The following TRAPPC9 variants were observed in gnomAD, a reference collection of about 807,000 sequenced individuals.
TRAPPC9 encodes trafficking protein particle complex subunit 9.
TRAPPC9 carries 83 observed loss-of-function variants against 124.0 expected under a neutral mutation model. The observed-to-expected ratio is 0.67, with a 90% confidence interval of 0.56 to 0.80. The LOEUF is 0.80. Among genes scored for constraint, TRAPPC9 ranks in the 30% least tolerant of loss-of-function variants. The pLI is 0.00. For missense variants in TRAPPC9, 1,302 were observed against 1,508.3 expected, an observed-to-expected ratio of 0.86 and a Z score of 2.27; for synonymous variants, 638 against 617.5, an observed-to-expected ratio of 1.03 and a Z score of -0.49.
chr8:140,409,269 G>A lies in TRAPPC9; in HGVS notation c.887-3571C>T, dbSNP rs140882321. Reference sequence around the variant, plus strand: ...AATGGTAAGAGATGCCATTTGTCACGTATCTAGTTGGCAAAAATGTTAAAA... The same window carrying A: ...AATGGTAAGAGATGCCATTTGTCACATATCTAGTTGGCAAAAATGTTAAAA... On this transcript the variant is annotated intron_variant, in intron 5 of 22. Transcript: ENST00000438773. Among the ~76,000 whole-genome samples, 453 of 152,092 alleles carry A rather than the reference G, an allele frequency of 3.0e-3. 2 individuals are homozygous for A. Among genetic ancestry groups the A allele is most frequent in the African/African-American group, 0.01 (429 of 41,448 alleles).
At chr8:140,242,391 G>A (rs1343012298) in intron 16 of TRAPPC9, among the ~76,000 whole-genome samples, 2 of 152,190 alleles carry the variant, frequency 1.3e-5, no homozygotes, top group East Asian at 3.9e-4. Context: ...AAGAACAGAT[G>A]AGCCTTGGGG....
chr8:140,379,625 A>G lies in TRAPPC9; in HGVS notation c.1135-8445T>C, dbSNP rs73713116. Among the ~76,000 whole-genome samples, 1,285 of 152,342 alleles carry G rather than the reference A, an allele frequency of 8.4e-3. 16 individuals are homozygous for G. The highest frequency in any genetic ancestry group is 0.028 in the African/African-American group (1,182 of 41,576). On this transcript the variant is annotated intron_variant, in intron 7 of 22. Transcript: ENST00000438773. The stretch of plus-strand genomic sequence containing the variant: ...CCCCATATATTGTTTGCCTTATAAA[A>G]GAATTATTTATTGCAATTAAATTTG...
chr8:140,352,212 G>A (rs1221312754), intron 9 of TRAPPC9, among the ~76,000 whole-genome samples: 1 of 152,242 alleles, frequency 6.6e-6, no homozygotes, highest in African/African-American at 2.4e-5. Flanking sequence ...CACTTGTGGT[G>A]TGGCTGCACA....
At chr8:140,039,151 A>T (rs889848771) in intron 17 of TRAPPC9, among the ~76,000 whole-genome samples, 1 of 152,246 alleles carries the variant, frequency 6.6e-6, no homozygotes, top group Non-Finnish European at 1.5e-5. Context: ...TTCTAGCCTC[A>T]GAGTCTGGAA....
intron 2 of TRAPPC9, among the ~76,000 whole-genome samples, chr8:140,440,818 C>T (rs1330666120): frequency 1.3e-5 from 2 of 152,090 alleles, no homozygotes; most frequent in East Asian, 1.9e-4. Flanking sequence ...CTTGCTGCAA[C>T]GCTGAAGTCC....
rs1161024238 is a variant in TRAPPC9 at position 140,104,485 on chromosome 8, C to A, written c.2557-80406G>T. Among the ~76,000 whole-genome samples the A allele has an allele frequency of 6.6e-6, 1 of 152,092 alleles. No homozygotes were observed. The highest frequency in any genetic ancestry group is 1.5e-5 in the Non-Finnish European group (1 of 68,026). On this transcript the variant is annotated intron_variant, in intron 17 of 22. Transcript: ENST00000438773. This position sits in a 1 kb window ranked among gnomAD's most constrained non-coding sequence, Gnocchi z 4.0. ...CTAAGTGGGCACTCATGATCTTAGA[C>A]AAATAATATGCAAGTAGTATGATGG... is the stretch of plus-strand genomic sequence containing the variant.
At chr8:140,136,868 C>T (rs1205070942) in intron 17 of TRAPPC9, among the ~76,000 whole-genome samples, 1 of 152,066 alleles carries the variant, frequency 6.6e-6, no homozygotes, top group African/African-American at 2.4e-5. Flanking sequence ...AGGGACAGGA[C>T]CAGAGACATG....
intron 16 of TRAPPC9, among the ~76,000 whole-genome samples, chr8:140,225,619 A>G (rs10448116): frequency 0.65 from 99,011 of 152,060 alleles, 32,834 homozygotes; most frequent in Admixed American, 0.73. Flanking sequence ...CGTAAACTCC[A>G]CATTTCTCTA....
chr8:139,817,116 G>A (rs1241481848), intron 21 of TRAPPC9, among the ~76,000 whole-genome samples: 1 of 137,650 alleles, frequency 7.3e-6, no homozygotes, highest in Non-Finnish European at 1.5e-5. Context: ...GGGTGCTGCA[G>A]GCTGGGCCTG....
Position 140,137,676 on chromosome 8 carries a change from A to C in TRAPPC9, c.2556+83783T>G, listed in dbSNP as rs928307374. ...CCACCAATGGTTTACATTTTCTTTAAAATCTGAGATGCATCTGATTCACGC... is the reference window on the plus strand; with the variant it reads ...CCACCAATGGTTTACATTTTCTTTACAATCTGAGATGCATCTGATTCACGC... On this transcript the variant is annotated intron_variant, in intron 17 of 22. Coordinates refer to ENST00000438773, the MANE Select transcript of TRAPPC9 (RefSeq NM_001160372.4). Among the ~76,000 whole-genome samples, 4 of 152,190 alleles carry C rather than the reference A, an allele frequency of 2.6e-5. No individual in the cohort carries two copies. The East Asian group carries it at 7.7e-4, about 29-fold the overall frequency.
intron 21 of TRAPPC9, among the ~76,000 whole-genome samples, chr8:139,882,137 ACT>A (rs1298917581): frequency 1.3e-5 from 2 of 152,086 alleles, no homozygotes; most frequent in South Asian, 4.1e-4. Flanking sequence ...TGCATAAAAG[ACT>A]CTGTAGCTTT....
chr8:139,931,157 T>G (rs1833118607), intron 19 of TRAPPC9: 1 of 152,126 alleles, frequency 6.6e-6, no homozygotes, highest in Non-Finnish European at 1.5e-5. Flanking sequence ...CGGGAAACAC[T>G]TCGACCTCAT....
intron 18 of TRAPPC9, among the ~76,000 whole-genome samples, chr8:140,008,235 A>G (rs567005291): frequency 1.3e-5 from 2 of 152,230 alleles, no homozygotes; most frequent in Non-Finnish European, 2.9e-5. Context: ...CTGTGATGGC[A>G]ATTTCAGGGC....
intron 9 of TRAPPC9, among the ~76,000 whole-genome samples, chr8:140,355,692 C>G (rs2067720385): frequency 6.6e-6 from 1 of 152,166 alleles, no homozygotes; most frequent in African/African-American, 2.4e-5. Flanking sequence ...CCAGTCGTGA[C>G]CATGTGAGGG....
intron 19 of TRAPPC9, among the ~76,000 whole-genome samples, chr8:139,928,144 C>T (rs1832918202): frequency 6.6e-6 from 1 of 152,222 alleles, no homozygotes; most frequent in Non-Finnish European, 1.5e-5. Flanking sequence ...TATCTCCCCA[C>T]CAAAACTGTC....
chr8:140,308,754 G>A (rs574997188), intron 10 of TRAPPC9, among the ~76,000 whole-genome samples: 10 of 152,044 alleles, frequency 6.6e-5, no homozygotes, highest in African/African-American at 1.9e-4. Context: ...GGTGCCATGC[G>A]CCTGTAGTCC....
chr8:140,247,725 T>C (rs1339795813), intron 16 of TRAPPC9, among the ~76,000 whole-genome samples: 1 of 152,228 alleles, frequency 6.6e-6, no homozygotes, highest in African/African-American at 2.4e-5. Flanking sequence ...AGCTTCTAAG[T>C]GTGTCACTTT....
intron 17 of TRAPPC9, among the ~76,000 whole-genome samples, chr8:140,062,553 G>A (rs774971360): frequency 7.2e-5 from 11 of 151,898 alleles, no homozygotes; most frequent in Non-Finnish European, 1.0e-4. Context: ...CTTTGACAGC[G>A]CCCTCAGAGA....
At chr8:140,452,529 A>G (rs2071502342) in intron 1 of TRAPPC9, among the ~76,000 whole-genome samples, 1 of 152,174 alleles carries the variant, frequency 6.6e-6, no homozygotes, top group Admixed American at 6.6e-5. Flanking sequence ...TGCCTAACAT[A>G]AAAGGAGAGA....
Sources: allele counts gnomAD v4.1 joint callset (sites outside exome capture counted in the v4.1 genomes callset), GRCh38; gene constraint gnomAD v4.1.1; non-coding constraint Gnocchi (gnomAD v3.1); transcripts MANE v1.5; gene names NCBI Gene and HGNC (gene_info 2026-07-23, HGNC 2026-07-21).